STAT4: variants seen among roughly 807,000 people sequenced by gnomAD.
STAT4 encodes the protein signal transducer and activator of transcription 4.
Under a neutral mutation model 110.5 loss-of-function variants are expected in STAT4, and 42 were observed. That is an observed-to-expected ratio of 0.38 (90% CI 0.30 to 0.49). STAT4 has a LOEUF of 0.49. STAT4 is among the 20% of genes least tolerant of loss of function. The pLI is 0.95. For missense variants in STAT4, 632 were observed against 887.9 expected (o/e 0.71, Z 3.66); for synonymous variants, 284 against 302.2 (o/e 0.94, Z 0.63).
intron 3 of STAT4, among the ~76,000 whole-genome samples, chr2:191,101,734 A>G (rs1207109297): frequency 6.6e-6 from 1 of 151,946 alleles, no homozygotes; most frequent in Admixed American, 6.6e-5. Context: ...TTGAGTTAAT[A>G]TTACTTGGTA....
intron 5 of STAT4, among the ~76,000 whole-genome samples, chr2:191,072,512 T>G (rs1697194278): frequency 1.3e-5 from 2 of 152,230 alleles, no homozygotes; most frequent in Admixed American, 1.3e-4. Flanking sequence ...GGACTGTTGA[T>G]CTTTAAATAT....
rs575985726 is a variant in STAT4, at chr2:191,135,279, T to C, written c.273+11334A>G. 3.3e-5 allele frequency among the ~76,000 whole-genome samples: 5 copies of C among 152,152 alleles called. No homozygotes were observed. The South Asian group carries it at 6.2e-4, about 19-fold the overall frequency. The stretch of plus-strand genomic sequence containing the variant: ...TCAGAGACAATTATGAAAAATACAC[T>C]AACAAGCTGGAAAACCTAGAAGAAA... On this transcript the variant is annotated intron_variant, in intron 3 of 23. Coordinates refer to ENST00000392320, the MANE Select transcript of STAT4 (RefSeq NM_003151.4). This position sits in a 1 kb window ranked among gnomAD's most constrained non-coding sequence, Gnocchi z 4.8.
Position 191,073,080 on chromosome 2 carries a change from C to A in STAT4, c.465+18G>T. On this transcript the variant is annotated intron_variant, in intron 5 of 23. Coordinates refer to ENST00000392320, the MANE Select transcript of STAT4 (RefSeq NM_003151.4). ...GACAGTATCTAGACTTTCTAGGTATCTGTATAAAAGCACTTACCTGCACAC... is the reference window on the plus strand; with the variant it reads ...GACAGTATCTAGACTTTCTAGGTATATGTATAAAAGCACTTACCTGCACAC... 1 of 1,605,414 alleles carries A rather than the reference C, an allele frequency of 6.2e-7. No individual in the cohort carries two copies. The highest frequency in any genetic ancestry group is 8.5e-7 in the Non-Finnish European group (1 of 1,172,706).
chr2:191,128,207 T>C (rs1189189986), intron 3 of STAT4, among the ~76,000 whole-genome samples: 1 of 152,182 alleles, frequency 6.6e-6, no homozygotes, highest in Non-Finnish European at 1.5e-5. Flanking sequence ...GTGGAGTGCT[T>C]GACGAATTGA....
In STAT4 at chr2:191,131,019, G is replaced by A. The variant is rs146551413; in HGVS notation, c.273+15594C>T. Among the ~76,000 whole-genome samples the A allele has an allele frequency of 1.8e-3, 273 of 151,802 alleles. 5 individuals carry two copies. The highest frequency in any genetic ancestry group is 6.1e-3 in the African/African-American group (251 of 41,132). On this transcript the variant is annotated intron_variant, in intron 3 of 23. Transcript: ENST00000392320. Reference sequence around the variant, plus strand: ...TTAGAAAAATAATAAAAAGTAAAATGAGGAAATAAGGCAGATATACCACCA... The same window carrying A: ...TTAGAAAAATAATAAAAAGTAAAATAAGGAAATAAGGCAGATATACCACCA...
At chr2:191,084,201 G>A (rs967269537) in intron 3 of STAT4, among the ~76,000 whole-genome samples, 3 of 151,982 alleles carry the variant, frequency 2.0e-5, no homozygotes, top group South Asian at 4.2e-4. Flanking sequence ...GGCAGAGGTT[G>A]CAGTGAGCCG....
intron 3 of STAT4, among the ~76,000 whole-genome samples, chr2:191,106,118 T>C (rs1367135507): frequency 1.3e-5 from 2 of 152,162 alleles, no homozygotes; most frequent in Non-Finnish European, 2.9e-5. Flanking sequence ...TAAATGTCAT[T>C]AGAATTCCTT....
chr2:191,143,742 G>T lies in STAT4; in HGVS notation c.273+2871C>A, dbSNP rs1021413300. Among the ~76,000 whole-genome samples the T allele has an allele frequency of 6.6e-6, 1 of 152,060 alleles. No homozygotes were observed. The highest frequency in any genetic ancestry group is 1.5e-5 in the Non-Finnish European group (1 of 68,010). Reference sequence around the variant, plus strand: ...GTTTGTATTTAAAATCCCAGAGGATGAAAATATTTAAACCAGATAAGCACA... The same window carrying T: ...GTTTGTATTTAAAATCCCAGAGGATTAAAATATTTAAACCAGATAAGCACA... On this transcript the variant is annotated intron_variant, in intron 3 of 23. Coordinates refer to ENST00000392320, the MANE Select transcript of STAT4 (RefSeq NM_003151.4). This position sits in a 1 kb window ranked among gnomAD's most constrained non-coding sequence, Gnocchi z 5.6.
At chr2:191,136,452 T>C (rs1699182562) in intron 3 of STAT4, among the ~76,000 whole-genome samples, 1 of 152,188 alleles carries the variant, frequency 6.6e-6, no homozygotes, top group Admixed American at 6.5e-5. Context: ...GAAAAGAGGA[T>C]GTCAAATTGT....
intron 5 of STAT4, among the ~76,000 whole-genome samples, chr2:191,071,084 C>T (rs1420367652): frequency 3.9e-5 from 6 of 152,176 alleles, no homozygotes; most frequent in Non-Finnish European, 8.8e-5. Context: ...GATACACTGT[C>T]TACCCACCCG....
intron 3 of STAT4, among the ~76,000 whole-genome samples, chr2:191,132,498 G>A (rs769321743): frequency 6.6e-6 from 1 of 151,650 alleles, no homozygotes; most frequent in Non-Finnish European, 1.5e-5. Context: ...AGAAGTAATG[G>A]TGAAAGAAGT....
intron 8 of STAT4, among the ~76,000 whole-genome samples, chr2:191,064,214 T>C (rs920569669): frequency 2.6e-5 from 4 of 152,254 alleles, no homozygotes; most frequent in African/African-American, 7.2e-5. Flanking sequence ...TAAACATTTG[T>C]TGAATAGTTA....
Position 191,142,546 on chromosome 2 carries a change from G to A in STAT4, c.273+4067C>T, listed in dbSNP as rs943105460. On this transcript the variant is annotated intron_variant, in intron 3 of 23. Coordinates refer to ENST00000392320, the MANE Select transcript of STAT4 (RefSeq NM_003151.4). This position sits in a 1 kb window ranked among gnomAD's most constrained non-coding sequence, Gnocchi z 4.1. ...AAGGATTAAGTTCTAACATTCTATA[G>A]CAGGGTTAATATAGTTAACAACAAT... Among the ~76,000 whole-genome samples the A allele has an allele frequency of 2.0e-5, 3 of 152,132 alleles. No individual in the cohort carries two copies. The highest frequency in any genetic ancestry group is 7.2e-5 in the African/African-American group (3 of 41,418).
chr2:191,108,022 G>A (rs1162039152), intron 3 of STAT4, among the ~76,000 whole-genome samples: 1 of 152,048 alleles, frequency 6.6e-6, no homozygotes, highest in Non-Finnish European at 1.5e-5. Flanking sequence ...CGGGTGCGGG[G>A]GCTCACGTCT....
chr2:191,063,224 G>C (rs1265332554), intron 8 of STAT4, among the ~76,000 whole-genome samples: 2 of 151,646 alleles, frequency 1.3e-5, no homozygotes, highest in African/African-American at 4.9e-5. Context: ...ATCATTCTTT[G>C]TTTAAGCTTA....
At chr2:191,094,917 CAAAAA>C (rs1165913847) in intron 3 of STAT4, among the ~76,000 whole-genome samples, 1 of 77,920 alleles carries the variant, frequency 1.3e-5, no homozygotes, top group Admixed American at 1.5e-4. Context: ...AAATGGAAAG[CAAAAA>C]AAAAAAAAAA....
intron 4 of STAT4, among the ~76,000 whole-genome samples, chr2:191,075,083 C>T (rs1187927627): frequency 6.6e-6 from 1 of 152,002 alleles, no homozygotes; most frequent in Non-Finnish European, 1.5e-5. Context: ...TTGCTTGAAC[C>T]TGGGAGGCAG....
intron 3 of STAT4, among the ~76,000 whole-genome samples, chr2:191,105,747 C>T (rs1698261051): frequency 6.6e-6 from 1 of 152,188 alleles, no homozygotes; most frequent in Admixed American, 6.5e-5. Flanking sequence ...TCTTCAAAAA[C>T]ACAATGCTGA....
rs1699389744 is a variant in STAT4, at chr2:191,143,644, A to T, written c.273+2969T>A. ...AGCTGTTCTATAAAGAACCAAAATA[A>T]ATCTACCTTATACATCCCTTAGTTC... On this transcript the variant is annotated intron_variant, in intron 3 of 23. Transcript: ENST00000392320. The surrounding 1 kb of genome is among the most constrained non-coding windows in gnomAD (Gnocchi z 5.6). Among the ~76,000 whole-genome samples, 1 of 152,184 alleles carries T rather than the reference A, an allele frequency of 6.6e-6. No homozygotes were observed. The highest frequency in any genetic ancestry group is 6.5e-5 in the Admixed American group (1 of 15,278).
Sources: gnomAD v4.1 joint callset for allele counts (sites outside exome capture counted in the v4.1 genomes callset) on GRCh38, gnomAD v4.1.1 for gene constraint, Gnocchi (gnomAD v3.1) non-coding constraint, MANE v1.5 for transcripts, NCBI Gene and HGNC (gene_info 2026-07-23, HGNC 2026-07-21) for gene names.